NPFFR2: variants seen among roughly 807,000 people sequenced by gnomAD.
NPFFR2 encodes neuropeptide FF receptor 2, also known as G-protein coupled receptor 74.
A neutral mutation model predicts 13.1 loss-of-function variants in NPFFR2; 15 were observed. That is an observed-to-expected ratio of 1.15 (90% CI 0.77 to 1.76). The LOEUF (loss-of-function observed/expected upper bound fraction) is 1.76. Among genes scored for constraint, NPFFR2 ranks in the 40% most tolerant of loss-of-function variants. The pLI is 0.00. For synonymous variants in NPFFR2, 190 were observed against 175.7 expected (o/e 1.08, Z -0.65); for missense variants, 572 against 503.5 (o/e 1.14, Z -1.30).
intron 1 of NPFFR2, among the ~76,000 whole-genome samples, chr4:72,057,937 C>G (rs1022256268): frequency 1.2e-4 from 18 of 151,916 alleles, no homozygotes; most frequent in Admixed American, 6.6e-5. Flanking sequence ...TCTGAGAAAA[C>G]CTGCACAAAT....
At chr4:72,122,842 A>G (rs1326182020) in intron 1 of NPFFR2, among the ~76,000 whole-genome samples, 1 of 152,210 alleles carries the variant, frequency 6.6e-6, no homozygotes, top group Non-Finnish European at 1.5e-5. Context: ...AATTAAAAGA[A>G]CTAGAGAAGC....
chr4:72,137,953 A>C, intron 2 of NPFFR2, 87 bp from the exon 3 acceptor site: 1 of 930,702 alleles, frequency 1.1e-6, no homozygotes, highest in East Asian at 2.5e-5. Context: ...CAGTTACATT[A>C]GTCTCGTTTC....
At chr4:72,037,208 G>A (rs1448031659) in intron 1 of NPFFR2, among the ~76,000 whole-genome samples, 1 of 150,982 alleles carries the variant, frequency 6.6e-6, no homozygotes, top group African/African-American at 2.4e-5. Context: ...AGGCAACATA[G>A]TGAGATCCTG....
intron 1 of NPFFR2, 77 bp from the exon 2 acceptor site, chr4:72,128,508 C>A: frequency 1.2e-6 from 1 of 828,398 alleles, no homozygotes; most frequent in South Asian, 1.9e-5. Context: ...ACAAGTGTTC[C>A]TCTTAAACTC....
At chr4:72,051,811 A>T (rs1002307762) in intron 1 of NPFFR2, among the ~76,000 whole-genome samples, 3 of 152,044 alleles carry the variant, frequency 2.0e-5, no homozygotes, top group African/African-American at 7.2e-5. Flanking sequence ...GATAAAGGGG[A>T]TATCACCACC....
rs73824739 is a variant in NPFFR2 at position 72,084,995 on chromosome 4, A to G, written c.-7-43590A>G. ...TAGACTCTGCATTAGGTGGAATCCAAAAATTACAGACAATCATGCTGTTCT... is the reference window on the plus strand; with the variant it reads ...TAGACTCTGCATTAGGTGGAATCCAGAAATTACAGACAATCATGCTGTTCT... On this transcript the variant is annotated intron_variant, in intron 1 of 3. Transcript: ENST00000308744. 2.4e-3 allele frequency among the ~76,000 whole-genome samples: 364 copies of G among 152,246 alleles called. 4 individuals carry two copies. The highest frequency in any genetic ancestry group is 8.0e-3 in the African/African-American group (331 of 41,564).
rs1028130663 is a variant in NPFFR2 at position 72,148,131 on chromosome 4, A to ATG, written c.*329_*330dup. On this transcript the variant is annotated 3_prime_UTR_variant, in exon 4 of 4. Transcript: ENST00000308744. Reference sequence around the variant, plus strand: ...AAATCAAGCCTGCACGCGTGCGTGCATGTGTGTGTGTATTTTCCCCAAATG... The same window carrying ATG: ...AAATCAAGCCTGCACGCGTGCGTGCATGTGTGTGTGTGTATTTTCCCCAAATG... 2.3e-5 allele frequency: 5 copies of ATG among 213,816 alleles called. No homozygotes were observed. The highest frequency in any genetic ancestry group is 1.1e-4 in the East Asian group (1 of 8,986). The allele number at this position is 213,816 out of a possible 1,614,324, so 13.2% of individuals were successfully genotyped here.
chr4:72,122,366 AT>A (rs1188094441), intron 1 of NPFFR2, among the ~76,000 whole-genome samples: 1 of 152,166 alleles, frequency 6.6e-6, no homozygotes, highest in Non-Finnish European at 1.5e-5. Context: ...TAACAAAAAT[AT>A]TCAGGACTTG....
intron 1 of NPFFR2, among the ~76,000 whole-genome samples, chr4:72,102,771 T>C (rs1338559165): frequency 2.0e-5 from 3 of 152,024 alleles, no homozygotes; most frequent in Admixed American, 1.3e-4. Context: ...CAGTCTATCA[T>C]TGTTGGACAT....
At chr4:72,142,877 G>A (rs947316558) in intron 3 of NPFFR2, among the ~76,000 whole-genome samples, 1 of 152,182 alleles carries the variant, frequency 6.6e-6, no homozygotes, top group African/African-American at 2.4e-5. Context: ...TAGAAGTGCT[G>A]CCTCAGGAAG....
intron 1 of NPFFR2, among the ~76,000 whole-genome samples, chr4:72,084,035 C>T (rs1720702222): frequency 6.6e-6 from 1 of 152,170 alleles, no homozygotes; most frequent in African/African-American, 2.4e-5. Context: ...ATAATGCTAT[C>T]ACCTAACCTA....
At chr4:72,067,312 G>C (rs4434215) in intron 1 of NPFFR2, among the ~76,000 whole-genome samples, 136,879 of 152,138 alleles carry the variant, frequency 0.9, 62,536 homozygotes, top group Non-Finnish European at 0.98. Flanking sequence ...TTACAGTAAC[G>C]TTGGGTGGAA....
chr4:72,086,215 TTAAA>T (rs1720766173), intron 1 of NPFFR2, among the ~76,000 whole-genome samples: 1 of 152,066 alleles, frequency 6.6e-6, no homozygotes, highest in South Asian at 2.1e-4. Flanking sequence ...GAAAATAAAT[TTAAA>T]TAAATAGTCT....
At chr4:72,042,501 G>C (rs7670216) in intron 1 of NPFFR2, among the ~76,000 whole-genome samples, 135,347 of 152,128 alleles carry the variant, frequency 0.89, 61,351 homozygotes, top group Non-Finnish European at 0.98. Flanking sequence ...TAGAAGATAA[G>C]AAATGTGGGA....
intron 1 of NPFFR2, among the ~76,000 whole-genome samples, chr4:72,099,348 G>A (rs1721163212): frequency 6.6e-6 from 1 of 152,046 alleles, no homozygotes; most frequent in African/African-American, 2.4e-5. Context: ...TACCTTTTTG[G>A]TGACACCAAT....
At chr4:72,070,552 T>TTTGGGGG in intron 1 of NPFFR2, among the ~76,000 whole-genome samples, 1 of 1,516 alleles carries the variant, frequency 6.6e-4, no homozygotes, top group East Asian at 8.5e-3. Context: ...CGTGTGTGTG[T>TTTGGGGG]GTGTGTGTGG....
At chr4:72,071,556 T>C (rs1405248144) in intron 1 of NPFFR2, among the ~76,000 whole-genome samples, 1 of 152,138 alleles carries the variant, frequency 6.6e-6, no homozygotes, top group Non-Finnish European at 1.5e-5. Flanking sequence ...GTTGAAGACT[T>C]GGATGATAAC....
chr4:72,082,800 C>T (rs2109794459), intron 1 of NPFFR2, among the ~76,000 whole-genome samples: 1 of 152,208 alleles, frequency 6.6e-6, no homozygotes, highest in Non-Finnish European at 1.5e-5. Flanking sequence ...ATCAACATCT[C>T]CCCATTCCAC....
chr4:72,115,777 T>G (rs922553224), intron 1 of NPFFR2, among the ~76,000 whole-genome samples: 1 of 152,220 alleles, frequency 6.6e-6, no homozygotes, highest in Non-Finnish European at 1.5e-5. Flanking sequence ...CACTCTTCTT[T>G]TGTTTTCCAA....
Sources: gnomAD v4.1 joint callset for allele counts (sites outside exome capture counted in the v4.1 genomes callset) on GRCh38, gnomAD v4.1.1 for gene constraint, MANE v1.5 for transcripts, NCBI Gene and HGNC (gene_info 2026-07-23, HGNC 2026-07-21) for gene names.